Variants in ZNF682 observed in about 807,000 individuals in gnomAD.
The protein encoded by ZNF682 is zinc finger protein 682.
ZNF682 carries 29 observed loss-of-function variants against 36.5 expected under a neutral mutation model. The ratio of observed to expected loss-of-function variants is 0.80; its 90% CI spans 0.59 to 1.08. ZNF682 has a LOEUF of 1.08. Among genes scored for constraint, ZNF682 ranks in the 50% least tolerant of loss-of-function variants. The pLI is 0.00. For missense variants in ZNF682, 561 were observed against 579.7 expected (o/e 0.97, Z 0.33); for synonymous variants, 180 against 197.0 (o/e 0.91, Z 0.72).
At chr19:20,032,893 A>C (rs1438805129) in intron 1 of ZNF682, among the ~76,000 whole-genome samples, 3 of 152,216 alleles carry the variant, frequency 2.0e-5, no homozygotes, top group African/African-American at 7.2e-5. Context: ...TAAACTTCCC[A>C]CATCTTCATG....
intron 1 of ZNF682, among the ~76,000 whole-genome samples, chr19:20,031,519 G>A (rs933876173): frequency 1.3e-5 from 2 of 152,228 alleles, no homozygotes; most frequent in African/African-American, 4.8e-5. Context: ...CCTGTCTCAT[G>A]AGTCCCAGAA....
At chr19:20,030,367 C>T (rs938884173) in intron 1 of ZNF682, among the ~76,000 whole-genome samples, 8 of 152,014 alleles carry the variant, frequency 5.3e-5, no homozygotes, top group South Asian at 2.1e-4. Flanking sequence ...GTCAGGAGTT[C>T]GAGACCAGCC....
At chr19:20,019,804 A>C (rs1209266033) in intron 3 of ZNF682, among the ~76,000 whole-genome samples, 2 of 152,182 alleles carry the variant, frequency 1.3e-5, no homozygotes, top group Admixed American at 6.5e-5. Context: ...GATGTCTATT[A>C]TCAAGAGACA....
exon 4 of ZNF682, chr19:19,997,068 G>GA (rs879659476): frequency 0.11 from 33,239 of 298,786 alleles, 4 homozygotes; most frequent in East Asian, 0.16. Flanking sequence ...ATAAGACAAG[G>GA]AAAAAAAAAA....
At chr19:19,995,349 C>T (rs1041942210), downstream of ZNF682, among the ~76,000 whole-genome samples, 5 of 149,880 alleles carry the variant, frequency 3.3e-5, no homozygotes, top group Non-Finnish European at 1.5e-5. Context: ...GCCACTCATC[C>T]GCGCACAGAT....
chr19:20,007,375 G>A, intron 3 of ZNF682, 100 bp from the exon 4 acceptor site: 6 of 1,122,450 alleles, frequency 5.3e-6, no homozygotes, highest in Non-Finnish European at 7.3e-6. Flanking sequence ...AGGACAGGAT[G>A]ACTTACTAGA....
At chr19:20,002,436 C>T (rs1324942335), downstream of ZNF682, among the ~76,000 whole-genome samples, 1 of 152,202 alleles carries the variant, frequency 6.6e-6, no homozygotes, top group African/African-American at 2.4e-5. Flanking sequence ...CTCAGGCCCA[C>T]TTAGATATTT....
At chr19:20,024,183 A>G in intron 2 of ZNF682, 67 bp downstream of exon 2, 2 of 1,584,280 alleles carry the variant, frequency 1.3e-6, no homozygotes, top group Non-Finnish European at 1.7e-6. Context: ...CCCACCAAAC[A>G]TTCTACAGAG....
At chr19:20,011,557 AAC>A (rs2088288702) in intron 3 of ZNF682, among the ~76,000 whole-genome samples, 2 of 152,358 alleles carry the variant, frequency 1.3e-5, no homozygotes, top group African/African-American at 4.8e-5. Flanking sequence ...GCTCAGTCAA[AAC>A]AGATTTCAAA....
chr19:20,001,070 A>G (rs917427287), downstream of ZNF682, among the ~76,000 whole-genome samples: 4 of 152,224 alleles, frequency 2.6e-5, no homozygotes, highest in Admixed American at 6.5e-5. Flanking sequence ...TCCTGTTTCA[A>G]TACAATCTGG....
intron 2 of ZNF682, among the ~76,000 whole-genome samples, chr19:20,023,739 CG>C (rs1568544026): frequency 6.6e-6 from 1 of 151,684 alleles, no homozygotes; most frequent in African/African-American, 2.4e-5. Flanking sequence ...CCCAACACTT[CG>C]GGAGGCCAAG....
chr19:20,015,266 T>C, intron 3 of ZNF682: 8 of 985,228 alleles, frequency 8.1e-6, no homozygotes, highest in Non-Finnish European at 9.6e-6. Context: ...TGACTCCTCA[T>C]CTAAACAGGA....
intron 1 of ZNF682, among the ~76,000 whole-genome samples, chr19:20,025,733 T>G (rs1036594131): frequency 4.0e-5 from 6 of 150,636 alleles, no homozygotes; most frequent in Non-Finnish European, 8.9e-5. Context: ...AACAAATTGA[T>G]GTACAGTGTC....
At position 20,012,767 on chromosome 19, in the gene ZNF682, C is replaced by CAAA. The variant is rs35481536; in HGVS notation, c.227-5495_227-5493dup. 7.2e-5 allele frequency among the ~76,000 whole-genome samples: 6 copies of CAAA among 83,710 alleles called. No individual in the cohort carries two copies. In the East Asian group the frequency reaches 1.0e-3, roughly 14 times the overall value. 54.9% of individuals were successfully genotyped at this position (83,710 alleles called of 152,430 possible). A position where few individuals can be genotyped will look rare whatever the true frequency, so the allele number is the denominator to read the frequency against. Reference sequence around the variant, plus strand: ...TGGGCGACAGAGCAAGACTCCGTCTCAAAAAAAAAAAAAAAAAAAGAAATT... The same window carrying CAAA: ...TGGGCGACAGAGCAAGACTCCGTCTCAAAAAAAAAAAAAAAAAAAAAAGAAATT... On this transcript the variant is annotated intron_variant, in intron 3 of 3. Coordinates refer to ENST00000397165, the MANE Select transcript of ZNF682 (RefSeq NM_033196.3).
chr19:20,012,577 C>A (rs1041383144), intron 3 of ZNF682, among the ~76,000 whole-genome samples: 1 of 151,978 alleles, frequency 6.6e-6, no homozygotes, highest in African/African-American at 2.4e-5. Flanking sequence ...ACCATCCTGG[C>A]TAACACGGTG....
chr19:20,008,474 G>A (rs1014531950), intron 3 of ZNF682, among the ~76,000 whole-genome samples: 1 of 152,198 alleles, frequency 6.6e-6, no homozygotes, highest in African/African-American at 2.4e-5. Context: ...TGGGCTGCAG[G>A]TGCAATACTG....
At chr19:20,035,536 A>G (rs893537946) in intron 1 of ZNF682, among the ~76,000 whole-genome samples, 2 of 151,974 alleles carry the variant, frequency 1.3e-5, no homozygotes, top group African/African-American at 4.8e-5. Context: ...TTTTCTTTTG[A>G]TATAAGATAT....
At chr19:20,013,713 T>G (rs148943456) in intron 3 of ZNF682, among the ~76,000 whole-genome samples, 2 of 152,358 alleles carry the variant, frequency 1.3e-5, no homozygotes, top group African/African-American at 4.8e-5. Flanking sequence ...CCCTAGTAGC[T>G]GGGATTACAG....
At chr19:19,998,908 T>C (rs1599598000) in intron 3 of ZNF682, among the ~76,000 whole-genome samples, 1 of 152,052 alleles carries the variant, frequency 6.6e-6, no homozygotes, top group Non-Finnish European at 1.5e-5. Flanking sequence ...TAGAAAAATA[T>C]ATATATAATC....
Sources: allele counts gnomAD v4.1 joint callset (sites outside exome capture counted in the v4.1 genomes callset), GRCh38; gene constraint gnomAD v4.1.1; transcripts MANE v1.5; gene names NCBI Gene and HGNC (gene_info 2026-07-23, HGNC 2026-07-21).